Variants in ZNF257 observed in about 807,000 individuals in gnomAD.
The protein encoded by ZNF257 is bone marrow zinc finger 4.
In ZNF257, 12 loss-of-function variants were observed where a neutral mutation model predicts 11.9. That is an observed-to-expected ratio of 1.01 (90% CI 0.65 to 1.63). ZNF257 has a LOEUF of 1.63. Among genes scored for constraint, ZNF257 ranks in the 40% most tolerant of loss-of-function variants. The pLI is 0.00. For missense variants in ZNF257, 580 were observed against 665.5 expected, an observed-to-expected ratio of 0.87 and a Z score of 1.41; for synonymous variants, 183 against 222.7, an observed-to-expected ratio of 0.82 and a Z score of 1.59.
intron 1 of ZNF257, among the ~76,000 whole-genome samples, chr19:22,054,827 T>C (rs6511316): frequency 0.24 from 35,952 of 151,820 alleles, 5,793 homozygotes; most frequent in African/African-American, 0.46. Context: ...GTTCTTGGTC[T>C]TGGGCTTCAG....
intron 1 of ZNF257, 109 bp from the exon 2 acceptor site, chr19:22,072,700 A>C: frequency 1.5e-6 from 2 of 1,327,804 alleles, no homozygotes; most frequent in East Asian, 4.8e-5. Flanking sequence ...CACTCCAATA[A>C]GGCAGAACCT....
chr19:22,080,299 T>C (rs141777092), intron 3 of ZNF257, among the ~76,000 whole-genome samples: 1 of 152,266 alleles, frequency 6.6e-6, no homozygotes, highest in East Asian at 1.9e-4. Flanking sequence ...CAATGTTGAA[T>C]GTAAGACCAG....
At chr19:22,068,274 A>G (rs1167056630) in intron 1 of ZNF257, among the ~76,000 whole-genome samples, 1 of 152,032 alleles carries the variant, frequency 6.6e-6, no homozygotes, top group East Asian at 1.9e-4. Context: ...GATGGAACAA[A>G]TAAACTGTCT....
At chr19:22,079,681 G>A (rs1205169046) in intron 3 of ZNF257, among the ~76,000 whole-genome samples, 2 of 152,052 alleles carry the variant, frequency 1.3e-5, no homozygotes, top group African/African-American at 2.4e-5. Flanking sequence ...TGACACATGG[G>A]AATTGTGGGA....
At chr19:22,083,346 C>T (rs777028760) in intron 3 of ZNF257, among the ~76,000 whole-genome samples, 2 of 151,982 alleles carry the variant, frequency 1.3e-5, no homozygotes, top group Non-Finnish European at 2.9e-5. Flanking sequence ...GTGGTGGGCG[C>T]CTGTAATCCA....
chr19:22,075,157 G>GT (rs1181986526), intron 3 of ZNF257, among the ~76,000 whole-genome samples: 2 of 152,136 alleles, frequency 1.3e-5, no homozygotes, highest in Non-Finnish European at 2.9e-5. Flanking sequence ...ACCTTTAGTT[G>GT]GCTTGTTACA....
chr19:22,073,422 AT>A (rs1194588668), intron 2 of ZNF257, 46 bp from the exon 3 acceptor site: 2 of 1,565,452 alleles, frequency 1.3e-6, no homozygotes, highest in Non-Finnish European at 1.7e-6. Flanking sequence ...TAAGTTGGTA[AT>A]TGGAGAATAT....
intron 1 of ZNF257, among the ~76,000 whole-genome samples, chr19:22,071,712 A>T (rs2022108205): frequency 6.6e-6 from 1 of 152,150 alleles, no homozygotes; most frequent in Admixed American, 6.5e-5. Flanking sequence ...TGCCACGCAG[A>T]ATTTTCTTCA....
chr19:22,060,857 T>A (rs1163914065), intron 1 of ZNF257, among the ~76,000 whole-genome samples: 5 of 151,976 alleles, frequency 3.3e-5, no homozygotes, highest in Admixed American at 2.6e-4. Flanking sequence ...TGCTAGCTAG[T>A]TATTCCAGCA....
At chr19:22,064,208 T>C (rs1340997281) in intron 1 of ZNF257, 2 of 152,098 alleles carry the variant, frequency 1.3e-5, no homozygotes. Flanking sequence ...GAAAAAAATA[T>C]AAATTAGAAA....
chr19:22,087,005 A>G (rs188235221), intron 3 of ZNF257, among the ~76,000 whole-genome samples: 24 of 151,868 alleles, frequency 1.6e-4, no homozygotes, highest in Admixed American at 3.3e-4. Flanking sequence ...CTCCACAATT[A>G]CTGTTTTTAA....
chr19:22,082,221 CCAT>C (rs1463644439), intron 3 of ZNF257, among the ~76,000 whole-genome samples: 1 of 152,050 alleles, frequency 6.6e-6, no homozygotes, highest in African/African-American at 2.4e-5. Context: ...ATTTTATGCA[CCAT>C]CATTATAATA....
intron 1 of ZNF257, among the ~76,000 whole-genome samples, chr19:22,070,333 A>T (rs1038789206): frequency 6.7e-6 from 1 of 149,706 alleles, no homozygotes; most frequent in South Asian, 2.1e-4. Flanking sequence ...TATTCTATAC[A>T]TTTTATAAAA....
At position 22,052,640 on chromosome 19, in the gene ZNF257, G is replaced by A. The variant is rs771037122; in HGVS notation, c.3+5G>A. The A allele has an allele frequency of 6.2e-7, 1 of 1,607,814 alleles. No individual in the cohort carries two copies. The highest frequency in any genetic ancestry group is 8.5e-7 in the Non-Finnish European group (1 of 1,176,146). ...CCTCCTGGAAGCCTAGAAATGGTGA[G>A]AGTGCTGGGTCCGACATCCTGGGAG... On this transcript the variant is annotated splice_donor_5th_base_variant and intron_variant, in intron 1 of 3. Transcript: ENST00000594947.
rs186409900 is a variant in ZNF257, at chr19:22,072,013, C to T, written c.4-796C>T. 1.2e-3 allele frequency among the ~76,000 whole-genome samples: 179 copies of T among 152,260 alleles called. 6 individuals are homozygous for T. The South Asian group carries it at 0.023, about 19-fold the overall frequency. On this transcript the variant is annotated intron_variant, in intron 1 of 3. Coordinates refer to ENST00000594947, the MANE Select transcript of ZNF257 (RefSeq NM_033468.4). ...AAAATCACTATTAAAAATTACAGAA[C>T]ATGAGAGATATCTGTGTCTTGAACT...
intron 1 of ZNF257, among the ~76,000 whole-genome samples, chr19:22,061,106 C>CTTT (rs60375287): frequency 0.23 from 33,634 of 146,272 alleles, 4,939 homozygotes; most frequent in African/African-American, 0.43. Flanking sequence ...TATTTGGGCT[C>CTTT]TTTTTTTTTT....
At chr19:22,074,493 A>C (rs62110987) in intron 3 of ZNF257, 19,678 of 152,084 alleles carry the variant, frequency 0.13, 1,461 homozygotes, top group Middle Eastern at 0.2. Flanking sequence ...CAGGGATTAC[A>C]GGCACTCGCC....
rs1269267434 is a variant in ZNF257, at chr19:22,078,816, G to A, written c.226+5252G>A. ...TCTTTTTTTTTTTTTTTTTGAGACGGAGTTTTGCTCTTGTTGCCCAGGCTG... is the reference window on the plus strand; with the variant it reads ...TCTTTTTTTTTTTTTTTTTGAGACGAAGTTTTGCTCTTGTTGCCCAGGCTG... On this transcript the variant is annotated intron_variant, in intron 3 of 3. Transcript: ENST00000594947. Among the ~76,000 whole-genome samples, 3 of 144,874 alleles carry A rather than the reference G, an allele frequency of 2.1e-5. No individual in the cohort carries two copies. In the East Asian group the frequency reaches 5.9e-4, roughly 29 times the overall value.
intron 1 of ZNF257, chr19:22,060,732 C>G (rs569274210): frequency 5.3e-5 from 8 of 152,228 alleles, no homozygotes; most frequent in African/African-American, 1.9e-4. Context: ...CCAATCTGCC[C>G]GCCTTGGCTT....
Sources: allele counts gnomAD v4.1 joint callset (sites outside exome capture counted in the v4.1 genomes callset), GRCh38; gene constraint gnomAD v4.1.1; transcripts MANE v1.5; gene names NCBI Gene and HGNC (gene_info 2026-07-23, HGNC 2026-07-21).